Variants in CLEC16A observed in about 807,000 individuals in gnomAD.
The protein encoded by CLEC16A is C-type lectin domain containing 16A.
Under a neutral mutation model 109.5 loss-of-function variants are expected in CLEC16A, and 51 were observed. The observed-to-expected ratio is 0.47, with a 90% CI of 0.37 to 0.59. CLEC16A has a LOEUF of 0.59. CLEC16A is among the 20% of genes least tolerant of loss of function. CLEC16A has a pLI of 0.00. For missense variants in CLEC16A, 1,339 were observed against 1,394.0 expected (o/e 0.96, Z 0.63); for synonymous variants, 673 against 564.2 (o/e 1.19, Z -2.73).
chr16:11,071,370 G>T (rs1009142023), intron 19 of CLEC16A, among the ~76,000 whole-genome samples: 2 of 152,064 alleles, frequency 1.3e-5, no homozygotes, highest in Non-Finnish European at 1.5e-5. Flanking sequence ...GAAGACAGCC[G>T]ACCTGAGTTT....
In CLEC16A at chr16:11,178,578, G is replaced by A. The variant is rs199877880; in HGVS notation, c.3050G>A (p.Ser1017Asn). The A allele has an allele frequency of 2.3e-4, 376 of 1,610,570 alleles. 2 individuals carry two copies. In the African/African-American group the frequency reaches 3.9e-3, roughly 16 times the overall value. Residue 1017 changes from serine (S) to asparagine (N), a missense_variant, in exon 24 of 24, where the codon AGC becomes AAC. Ser to Asn is a conservative substitution (Grantham distance 46). This residue lies in a region of CLEC16A where 1,061 missense variants were observed against 1,006.8 expected (regional missense o/e 1.05). Coordinates refer to ENST00000409790, the MANE Select transcript of CLEC16A (RefSeq NM_015226.3). This position sits in a 1 kb window ranked among gnomAD's most constrained non-coding sequence, Gnocchi z 6.5. The part of the protein sequence containing the change: ...LTLVPPVDPH[S>N]LRSLTGMPPL... Reference sequence around the variant, plus strand: ...CTTGTCCCCCCAGTTGACCCCCACAGCCTCCGCAGCCTCACCGGCATGCCC... The same window carrying A: ...CTTGTCCCCCCAGTTGACCCCCACAACCTCCGCAGCCTCACCGGCATGCCC...
At chr16:11,163,188 A>G (rs1430303345) in intron 22 of CLEC16A, among the ~76,000 whole-genome samples, 1 of 152,228 alleles carries the variant, frequency 6.6e-6, no homozygotes, top group Non-Finnish European at 1.5e-5. Context: ...CGCTCTGGCC[A>G]TAGACATTCA....
Position 11,178,474 on chromosome 16 carries a change from C to T in CLEC16A, c.2946C>T (p.Ser982=), listed in dbSNP as rs1048972446. The change falls in exon 24 of 24, where the codon AGC becomes AGT. Residue 982 remains serine, a synonymous_variant. Transcript: ENST00000409790. This position sits in a 1 kb window ranked among gnomAD's most constrained non-coding sequence, Gnocchi z 6.5. ...TGGAGACAGCCAGCCTGTCCCCCAGCCTCGTCCCTGCCCGGCAGCCCACCA... is the reference window on the plus strand; with the variant it reads ...TGGAGACAGCCAGCCTGTCCCCCAGTCTCGTCCCTGCCCGGCAGCCCACCA... ...AAVETASLSP[S]LVPARQPTIS... 6.2e-7 allele frequency: 1 copy of T among 1,613,674 alleles called. No homozygotes were observed. The highest frequency in any genetic ancestry group is 8.5e-7 in the Non-Finnish European group (1 of 1,179,890).
At chr16:11,101,727 T>G (rs1317073786) in intron 19 of CLEC16A, among the ~76,000 whole-genome samples, 1 of 152,248 alleles carries the variant, frequency 6.6e-6, no homozygotes, top group African/African-American at 2.4e-5. Context: ...CTTGAATGAA[T>G]GGAGCTCCCT....
At chr16:11,074,226 A>T (rs1255085739) in intron 19 of CLEC16A, among the ~76,000 whole-genome samples, 1 of 152,186 alleles carries the variant, frequency 6.6e-6, no homozygotes, top group Non-Finnish European at 1.5e-5. Context: ...TGGGAAAAAA[A>T]TCAAGTTTCA....
At chr16:11,039,577 C>T (rs2047206663) in intron 13 of CLEC16A, among the ~76,000 whole-genome samples, 177 bp from the exon 14 acceptor site, 2 of 151,730 alleles carry the variant, frequency 1.3e-5, no homozygotes, top group African/African-American at 4.8e-5. Flanking sequence ...GCCTGGGAAA[C>T]ATGACAAAAT....
In CLEC16A at chr16:10,979,242, A is replaced by T. The variant is rs113119977; in HGVS notation, c.904-87A>T. On this transcript the variant is annotated intron_variant, in intron 8 of 23. Coordinates refer to ENST00000409790, the MANE Select transcript of CLEC16A (RefSeq NM_015226.3). Reference sequence around the variant, plus strand: ...TCAGTGGGACAGGACGCCTTTGTTCACACAGAAGGCTTTTGGCTTTGTGTA... The same window carrying T: ...TCAGTGGGACAGGACGCCTTTGTTCTCACAGAAGGCTTTTGGCTTTGTGTA... 451 of 1,267,444 alleles carry T rather than the reference A, an allele frequency of 3.6e-4. 3 individuals are homozygous for T. In the African/African-American group the frequency reaches 5.9e-3, roughly 16 times the overall value. The allele number at this position is 1,267,444 out of a possible 1,614,324, so 78.5% of individuals were successfully genotyped here.
chr16:11,039,976 A>G, intron 14 of CLEC16A, 100 bp downstream of exon 14: 1 of 1,423,508 alleles, frequency 7.0e-7, no homozygotes, highest in Non-Finnish European at 9.3e-7. Flanking sequence ...GAGCCTTCTG[A>G]GAATCCGGGC....
At chr16:10,976,513 A>C (rs2043038562) in intron 7 of CLEC16A, among the ~76,000 whole-genome samples, 1 of 152,194 alleles carries the variant, frequency 6.6e-6, no homozygotes, top group Non-Finnish European at 1.5e-5. Flanking sequence ...TGAGACTTTG[A>C]ATTCTATTTG....
intron 17 of CLEC16A, among the ~76,000 whole-genome samples, chr16:11,050,890 G>A (rs1454382955): frequency 6.6e-6 from 1 of 152,208 alleles, no homozygotes; most frequent in East Asian, 1.9e-4. Context: ...GGAAACATTG[G>A]TCCTAGGGTG....
At chr16:11,158,593 A>G (rs1485659549) in intron 22 of CLEC16A, among the ~76,000 whole-genome samples, 1 of 152,138 alleles carries the variant, frequency 6.6e-6, no homozygotes, top group Non-Finnish European at 1.5e-5. Context: ...TTGGTCAAGG[A>G]GGCCCCAAGG....
At chr16:11,071,616 T>G (rs1003445356) in intron 19 of CLEC16A, among the ~76,000 whole-genome samples, 5 of 151,562 alleles carry the variant, frequency 3.3e-5, no homozygotes, top group African/African-American at 9.7e-5. Context: ...TTTTTTTTTT[T>G]TTAAGAGATG....
chr16:11,044,614 T>G (rs1245430482), intron 16 of CLEC16A, among the ~76,000 whole-genome samples: 1 of 152,180 alleles, frequency 6.6e-6, no homozygotes, highest in Non-Finnish European at 1.5e-5. Context: ...AGCTTTGTCT[T>G]CAGGTTCCAG....
intron 11 of CLEC16A, among the ~76,000 whole-genome samples, chr16:11,013,063 T>C (rs7203687): frequency 0.3 from 44,841 of 151,970 alleles, 7,914 homozygotes; most frequent in African/African-American, 0.5. Context: ...GCCAGGGAAC[T>C]TAACATGTAC....
At chr16:11,123,570 G>A (rs1282673705) in intron 20 of CLEC16A, among the ~76,000 whole-genome samples, 172 bp from the exon 21 acceptor site, 3 of 152,156 alleles carry the variant, frequency 2.0e-5, no homozygotes, top group East Asian at 1.9e-4. Context: ...ACTGGGCCTG[G>A]TCTGCCTTGT....
rs569502430 is a variant in CLEC16A, at chr16:11,115,222, C to T, written c.2117-5393C>T. Among the ~76,000 whole-genome samples the T allele has an allele frequency of 5.9e-5, 9 of 152,046 alleles. No homozygotes were observed. In the East Asian group the frequency reaches 1.7e-3, roughly 29 times the overall value. On this transcript the variant is annotated intron_variant, in intron 19 of 23. Transcript: ENST00000409790. The stretch of plus-strand genomic sequence containing the variant: ...TGTGAATGTGAAAACAGAAGGTAGT[C>T]AAGTTGTCCTGTGTAGAGTGAGGAA...
In CLEC16A at chr16:11,063,749, G is replaced by A. The variant is rs148428609; in HGVS notation, c.2116+2727G>A. Among the ~76,000 whole-genome samples the A allele has an allele frequency of 7.8e-3, 1,190 of 152,224 alleles. 18 individuals carry two copies. The highest frequency in any genetic ancestry group is 0.027 in the African/African-American group (1,136 of 41,524). On this transcript the variant is annotated intron_variant, in intron 19 of 23. Transcript: ENST00000409790. ...TGTCATAAAAGGTGGCTTCTCATGG[G>A]GAGCATTAAAGATGTGGTCACCACT...
intron 23 of CLEC16A, among the ~76,000 whole-genome samples, chr16:11,176,857 C>T (rs917565263): frequency 6.6e-6 from 1 of 152,220 alleles, no homozygotes; most frequent in African/African-American, 2.4e-5. Flanking sequence ...GCTTTCGCTC[C>T]GTGATGGGAG....
At chr16:11,150,017 T>C (rs1046854263) in intron 22 of CLEC16A, 11 of 152,216 alleles carry the variant, frequency 7.2e-5, no homozygotes, top group African/African-American at 1.2e-4. Context: ...ACTCGTATGA[T>C]GGCAAAACCA....
Sources: gnomAD v4.1 joint callset for allele counts (sites outside exome capture counted in the v4.1 genomes callset) on GRCh38, gnomAD v4.1.1 for gene constraint, gnomAD v4.1.1 regional missense constraint, Gnocchi (gnomAD v3.1) non-coding constraint, MANE v1.5 for transcripts, NCBI Gene and HGNC (gene_info 2026-07-23, HGNC 2026-07-21) for gene names.